The following PLCB2 variants were observed in gnomAD, a reference collection of about 807,000 sequenced individuals.
PLCB2 encodes the protein 1-phosphatidylinositol 4,5-bisphosphate phosphodiesterase beta-2.
In PLCB2, 115 loss-of-function variants were observed where a neutral mutation model predicts 141.7. The observed-to-expected ratio is 0.81, with a 90% confidence interval of 0.70 to 0.95. PLCB2 has a LOEUF of 0.95. Among genes scored for constraint, PLCB2 ranks in the 40% least tolerant of loss-of-function variants. PLCB2 has a pLI of 0.00. For synonymous variants in PLCB2, 603 were observed against 595.6 expected (o/e 1.01, Z -0.18); for missense variants, 1,403 against 1,541.1 (o/e 0.91, Z 1.50).
At chr15:40,303,925 T>A (rs1434779026) in intron 2 of PLCB2, 76 bp downstream of exon 2, 1 of 1,042,106 alleles carries the variant, frequency 9.6e-7, no homozygotes, top group Non-Finnish European at 1.5e-6. Context: ...TGCCTCCACC[T>A]TGGTGCAGCC....
intron 1 of PLCB2, among the ~76,000 whole-genome samples, chr15:40,304,533 C>T (rs1447904872): frequency 1.3e-5 from 2 of 152,156 alleles, no homozygotes; most frequent in African/African-American, 2.4e-5. Context: ...GATACCAAGC[C>T]TTCCCACCTC....
intron 22 of PLCB2, 60 bp from the exon 23 acceptor site, chr15:40,292,218 C>T: frequency 1.3e-6 from 2 of 1,543,256 alleles, no homozygotes; most frequent in Non-Finnish European, 1.8e-6. Flanking sequence ...TGGAAGTCTC[C>T]CCTGTCCTCA....
rs1447793812 is a variant in PLCB2, at chr15:40,305,989, G to A, written c.84+1600C>T. Among the ~76,000 whole-genome samples, 5 of 152,226 alleles carry A rather than the reference G, an allele frequency of 3.3e-5. No individual in the cohort carries two copies. In the East Asian group the frequency reaches 7.7e-4, roughly 23 times the overall value. On this transcript the variant is annotated intron_variant, in intron 1 of 31. Coordinates refer to ENST00000260402, the MANE Select transcript of PLCB2 (RefSeq NM_004573.3). ...TTGATTATAGCCAGTTTCTGACATC[G>A]GACTGGATTTTGTGATGAAAAGTGA...
Position 40,291,321 on chromosome 15 carries a change from G to T in PLCB2, c.2814C>A (p.Gly938=), listed in dbSNP as rs1205992052. The T allele has an allele frequency of 2.0e-6, 3 of 1,536,630 alleles. No individual in the cohort carries two copies. Among genetic ancestry groups the T allele is most frequent in the Middle Eastern group, 1.9e-4 (1 of 5,288 alleles). Residue 938 remains glycine (G), a synonymous_variant, in exon 26 of 32, where the codon GGC becomes GGA. Coordinates refer to ENST00000260402, the MANE Select transcript of PLCB2 (RefSeq NM_004573.3). ...AAQLAELGPP[G]VGGVGACKLG... ...GCTTGCAGGCCCCGACGCCCCCCAC[G>T]CCCGGTGGCCCGAGCTCCGCCAGCT...
At chr15:40,287,356 C>G (rs944150869), downstream of PLCB2, among the ~76,000 whole-genome samples, 13 of 152,142 alleles carry the variant, frequency 8.5e-5, no homozygotes, top group African/African-American at 1.7e-4. Flanking sequence ...ACGGCATGTG[C>G]TGTAACTCTA....
intron 30 of PLCB2, 49 bp downstream of exon 30, chr15:40,289,956 AGAGAGAGAGAGAGTGTGTGT>A (rs2039784434): frequency 1.5e-6 from 1 of 663,814 alleles, no homozygotes; most frequent in Non-Finnish European, 2.6e-6. Flanking sequence ...AGAGAGAGAG[AGAGAGAGAGAGAGTGTGTGT>A]GTGTGTGTGT....
chr15:40,307,488 C>T, intron 1 of PLCB2, 101 bp downstream of exon 1: 1 of 684,790 alleles, frequency 1.5e-6, no homozygotes, highest in Non-Finnish European at 2.4e-6. Context: ...GCGCCTGGAT[C>T]CTAGGAGACA....
chr15:40,286,716 G>A (rs2039617279), downstream of PLCB2, among the ~76,000 whole-genome samples: 1 of 152,238 alleles, frequency 6.6e-6, no homozygotes, highest in Non-Finnish European at 1.5e-5. Flanking sequence ...TGCAGCCAGA[G>A]ACTAATTCAT....
Position 40,290,616 on chromosome 15 carries a change from C to T in PLCB2, c.3170G>A (p.Gly1057Asp). 6.2e-7 allele frequency: 1 copy of T among 1,614,170 alleles called. No individual in the cohort carries two copies. The highest frequency in any genetic ancestry group is 8.5e-7 in the Non-Finnish European group (1 of 1,180,016). ...LETKRLERIQ[G>D]MTKVTTDKMA... is the part of the protein sequence containing the mutation. ...CTTGTCTGTGGTGACTTTGGTCATG[C>T]CCTGGATCCGCTCCAGTCTCTTTGT... The change falls in exon 29 of 32, where the codon GGC becomes GAC. Residue 1057 changes from glycine (G) to aspartate (D), a missense_variant. Physicochemically the swap from Gly to Asp is moderately conservative, Grantham distance 94. Coordinates refer to ENST00000260402, the MANE Select transcript of PLCB2 (RefSeq NM_004573.3).
intron 11 of PLCB2, 56 bp from the exon 12 acceptor site, chr15:40,298,015 G>A (rs924126595): frequency 4.4e-6 from 6 of 1,352,124 alleles, no homozygotes; most frequent in Admixed American, 1.7e-5. Flanking sequence ...TGCCTGTCTC[G>A]TGATAGCACT....
intron 2 of PLCB2, 45 bp downstream of exon 2, chr15:40,303,956 T>C (rs987082799): frequency 1.5e-6 from 2 of 1,341,400 alleles, no homozygotes; most frequent in Non-Finnish European, 2.1e-6. Flanking sequence ...CTGGCCTCAA[T>C]GATAAGCAGG....
At chr15:40,302,680 C>G (rs2040582570) in intron 3 of PLCB2, 71 bp from the exon 4 acceptor site, 4 of 1,556,782 alleles carry the variant, frequency 2.6e-6, no homozygotes, top group Non-Finnish European at 3.5e-6. Context: ...CTCTCTGGCC[C>G]TCCCCTCAGC....
rs759139303 is a variant in PLCB2, at chr15:40,291,639, C to A, written c.2614G>T (p.Gly872Trp). 15 of 1,613,038 alleles carry A rather than the reference C, an allele frequency of 9.3e-6. No individual in the cohort carries two copies. Among genetic ancestry groups the A allele is most frequent in the Middle Eastern group, 3.3e-4 (2 of 6,082 alleles). The change falls in exon 25 of 32, where the codon GGG (glycine) becomes TGG (tryptophan). Residue 872 changes from glycine (G) to tryptophan (W), a missense_variant. Gly to Trp is a radical substitution (Grantham distance 184). This residue lies in a region of PLCB2 where 975 missense variants were observed against 1,141.1 expected (regional missense o/e 0.85). Coordinates refer to ENST00000260402, the MANE Select transcript of PLCB2 (RefSeq NM_004573.3). ...TCTTTCATAGCCTCTTCCCTGGCCC[C>A]GGCCCTGGCTGCTGCAAGAGCCACG... ...TSNGSPAARA[G>W]AREEAMKEAA...
chr15:40,287,004 G>A (rs1268025021), downstream of PLCB2, among the ~76,000 whole-genome samples: 2 of 152,216 alleles, frequency 1.3e-5, no homozygotes, highest in East Asian at 3.8e-4. Flanking sequence ...TGCCCAGTGG[G>A]CTCCATTGGG....
chr15:40,290,148 T>G, intron 29 of PLCB2, 66 bp from the exon 30 acceptor site: 5 of 1,002,518 alleles, frequency 5.0e-6, no homozygotes, highest in Non-Finnish European at 8.0e-6. Flanking sequence ...TAACATGAAG[T>G]CTACGCAGGA....
chr15:40,290,297 C>T (rs2039818568), intron 29 of PLCB2, among the ~76,000 whole-genome samples: 2 of 152,132 alleles, frequency 1.3e-5, no homozygotes, highest in East Asian at 1.9e-4. Context: ...ACTGTCCTTC[C>T]GTGGGAAACA....
rs199754432 is a variant in PLCB2, at chr15:40,298,899, C to A, written c.749G>T (p.Arg250Leu). ...HLTKFINQKQ[R>L]DSRLNSLLFP... ...CAGCAGGGAGTTAAGCCGGGAGTCC[C>A]GCTGTTTCTGGTTGATGAATTTGGT... The change falls in exon 9 of 32, where the codon CGG (arginine) becomes CTG (leucine). Residue 250 changes from arginine to leucine, a missense_variant. Arg to Leu is a moderately radical substitution (Grantham distance 102, BLOSUM62 -2). Coordinates refer to ENST00000260402, the MANE Select transcript of PLCB2 (RefSeq NM_004573.3). The A allele has an allele frequency of 2.5e-6, 4 of 1,610,868 alleles. No individual in the cohort carries two copies. Among genetic ancestry groups the A allele is most frequent in the Non-Finnish European group, 3.4e-6 (4 of 1,179,988 alleles).
In PLCB2 at chr15:40,288,710, G is replaced by A. The variant is rs41277678; in HGVS notation, c.*5C>T. On this transcript the variant is annotated 3_prime_UTR_variant, in exon 32 of 32. Coordinates refer to ENST00000260402, the MANE Select transcript of PLCB2 (RefSeq NM_004573.3). ...CTTGCTAAATGTCCCAGTGGGATGG[G>A]GGCATCAGAGGCGGCTCTCCTGGGC... The A allele has an allele frequency of 7.0e-6, 11 of 1,580,132 alleles. No individual in the cohort carries two copies. Among genetic ancestry groups the A allele is most frequent in the Non-Finnish European group, 8.6e-6 (10 of 1,156,494 alleles).
intron 7 of PLCB2, 35 bp downstream of exon 7, chr15:40,301,922 T>A: frequency 1.3e-6 from 2 of 1,593,592 alleles, no homozygotes; most frequent in Non-Finnish European, 1.7e-6. Flanking sequence ...GGGACAAGAA[T>A]GCTGGGGGAT....
Sources: gnomAD v4.1 joint callset for allele counts (sites outside exome capture counted in the v4.1 genomes callset) on GRCh38, gnomAD v4.1.1 for gene constraint, gnomAD v4.1.1 regional missense constraint, MANE v1.5 for transcripts, NCBI Gene and HGNC (gene_info 2026-07-23, HGNC 2026-07-21) for gene names.